The following IL1RAPL1 variants were observed in gnomAD, a reference collection of about 807,000 sequenced individuals.
IL1RAPL1 encodes interleukin-1 receptor accessory protein-like 1.
A neutral mutation model predicts 48.4 loss-of-function variants in IL1RAPL1; 3 were observed. The observed-to-expected ratio is 0.06, with a 90% confidence interval of 0.03 to 0.16. IL1RAPL1 has a LOEUF of 0.16. Among genes scored for constraint, IL1RAPL1 ranks in the 10% least tolerant of loss-of-function variants. The pLI is 1.00. For missense variants in IL1RAPL1, 349 were observed against 530.6 expected, an observed-to-expected ratio of 0.66 and a Z score of 3.36; for synonymous variants, 185 against 187.7, an observed-to-expected ratio of 0.99 and a Z score of 0.12.
intron 5 of IL1RAPL1, among the ~76,000 whole-genome samples, chrX:29,591,517 G>A (rs1312128201): frequency 8.9e-6 from 1 of 112,104 alleles, no homozygotes; most frequent in Non-Finnish European, 1.9e-5. Flanking sequence ...AGCAGAGGGG[G>A]CACCATAGTG....
At chrX:29,409,908 C>T (rs1412017371) in intron 5 of IL1RAPL1, among the ~76,000 whole-genome samples, 3 of 106,443 alleles carry the variant, frequency 2.8e-5, no homozygotes, top group African/African-American at 6.9e-5. Flanking sequence ...CCACAACCTC[C>T]GCCTCCCAGG....
intron 6 of IL1RAPL1, among the ~76,000 whole-genome samples, chrX:29,846,161 A>G (rs1931241840): frequency 9.0e-6 from 1 of 111,556 alleles, no homozygotes; most frequent in Admixed American, 9.5e-5. Context: ...ACACTGTTTC[A>G]TGTGTTATTA....
chrX:28,779,630 G>GTATATA (rs55850528), intron 1 of IL1RAPL1, among the ~76,000 whole-genome samples: 2,062 of 60,205 alleles, frequency 0.034, 50 homozygotes, highest in Middle Eastern at 0.043. Context: ...GTGTGTGTGT[G>GTATATA]TGTGTATATA....
chrX:29,921,515 T>C (rs920572341), intron 8 of IL1RAPL1, among the ~76,000 whole-genome samples: 2 of 112,285 alleles, frequency 1.8e-5, no homozygotes, highest in South Asian at 3.7e-4. Flanking sequence ...ATGCAGCAGC[T>C]AACAATATGA....
chrX:29,662,035 G>C (rs910607577), intron 5 of IL1RAPL1, among the ~76,000 whole-genome samples: 1 of 110,807 alleles, frequency 9.0e-6, no homozygotes, highest in Non-Finnish European at 1.9e-5. Flanking sequence ...ATGCTACTTG[G>C]GGCTCTCTTA....
chrX:28,870,569 C>T (rs1922182776), intron 2 of IL1RAPL1, among the ~76,000 whole-genome samples: 1 of 111,539 alleles, frequency 9.0e-6, no homozygotes, highest in Admixed American at 9.5e-5. Context: ...TATTCTTACC[C>T]CTATGGTAAC....
At chrX:28,904,843 TC>T (rs1411551821) in intron 2 of IL1RAPL1, among the ~76,000 whole-genome samples, 1 of 112,138 alleles carries the variant, frequency 8.9e-6, no homozygotes. Context: ...TCAAAAGTTT[TC>T]CATAATATTT....
intron 9 of IL1RAPL1, among the ~76,000 whole-genome samples, chrX:29,942,852 C>T (rs1301064313): frequency 9.0e-6 from 1 of 110,751 alleles, no homozygotes; most frequent in Non-Finnish European, 1.9e-5. Context: ...AACCCCTGAC[C>T]TCAGGTGATC....
intron 2 of IL1RAPL1, among the ~76,000 whole-genome samples, chrX:28,966,342 C>T (rs1365598379): frequency 8.9e-6 from 1 of 111,804 alleles, no homozygotes; most frequent in African/African-American, 3.2e-5. Flanking sequence ...ATCAAGAATT[C>T]GAAAGATGAG....
intron 1 of IL1RAPL1, among the ~76,000 whole-genome samples, chrX:28,765,835 TATTA>T (rs893556075): frequency 1.8e-5 from 2 of 112,148 alleles, no homozygotes; most frequent in African/African-American, 6.5e-5. Flanking sequence ...TGGACGTGTT[TATTA>T]ATTTCTCCTT....
At position 29,136,315 on chromosome X, in the gene IL1RAPL1, C is replaced by T. The variant is rs769777335; in HGVS notation, c.83-146623C>T. Among the ~76,000 whole-genome samples the T allele has an allele frequency of 6.3e-3, 681 of 108,098 alleles. 5 individuals carry two copies. The highest frequency in any genetic ancestry group is 0.021 in the African/African-American group (632 of 29,712). 93.9% of individuals were successfully genotyped at this position (108,098 alleles called of 115,157 possible). A position where few individuals can be genotyped will look rare whatever the true frequency, so the allele number is the denominator to read the frequency against. ...GCTAATTTTGTATTTTTAGTAGAGA[C>T]GGGGTTTCTTCATGTTGGTCAGGCT... On this transcript the variant is annotated intron_variant, in intron 2 of 10. Transcript: ENST00000378993.
At chrX:29,656,173 A>G (rs746619343) in intron 5 of IL1RAPL1, among the ~76,000 whole-genome samples, 2 of 113,197 alleles carry the variant, frequency 1.8e-5, no homozygotes, top group East Asian at 2.8e-4. Flanking sequence ...TTTTGTAAAT[A>G]TATGTTCAGT....
intron 6 of IL1RAPL1, among the ~76,000 whole-genome samples, chrX:29,839,374 A>T (rs1055455956): frequency 2.7e-5 from 3 of 112,069 alleles, no homozygotes; most frequent in East Asian, 2.8e-4. Context: ...TTTATTGGTT[A>T]TACAAAGCAA....
At chrX:28,901,134 T>G (rs1923065176) in intron 2 of IL1RAPL1, among the ~76,000 whole-genome samples, 1 of 111,759 alleles carries the variant, frequency 8.9e-6, no homozygotes, top group African/African-American at 3.3e-5. Flanking sequence ...TCTTCATGGT[T>G]GCATGCAAAT....
intron 2 of IL1RAPL1, among the ~76,000 whole-genome samples, chrX:29,062,326 T>A (rs894750491): frequency 8.9e-6 from 1 of 112,484 alleles, no homozygotes; most frequent in African/African-American, 3.2e-5. Flanking sequence ...TTGAAAAGTG[T>A]CATAATGAAA....
intron 8 of IL1RAPL1, among the ~76,000 whole-genome samples, chrX:29,925,448 T>TTTTTTTTTG (rs1932881679): frequency 2.2e-5 from 1 of 44,683 alleles, no homozygotes; most frequent in Non-Finnish European, 3.6e-5. Flanking sequence ...TTTTTTTTGC[T>TTTTTTTTTG]GGGGGGGGCT....
chrX:28,736,540 A>G (rs778536939), intron 1 of IL1RAPL1, among the ~76,000 whole-genome samples: 1 of 111,781 alleles, frequency 8.9e-6, no homozygotes, highest in Non-Finnish European at 1.9e-5. Context: ...ATTTTCTACA[A>G]TTGCATAAAT....
At chrX:28,805,467 A>G (rs1165732601) in intron 2 of IL1RAPL1, among the ~76,000 whole-genome samples, 1 of 111,421 alleles carries the variant, frequency 9.0e-6, no homozygotes, top group Non-Finnish European at 1.9e-5. Flanking sequence ...GTTCTTTCAA[A>G]TGTCTTCTAC....
chrX:29,559,002 G>A (rs193217371), intron 5 of IL1RAPL1, among the ~76,000 whole-genome samples: 1 of 111,844 alleles, frequency 8.9e-6, no homozygotes, highest in East Asian at 2.8e-4. Flanking sequence ...GGTTATTATG[G>A]CTATTCAAAG....
Sources: gnomAD v4.1 joint callset for allele counts (sites outside exome capture counted in the v4.1 genomes callset) on GRCh38, gnomAD v4.1.1 for gene constraint, MANE v1.5 for transcripts, NCBI Gene and HGNC (gene_info 2026-07-23, HGNC 2026-07-21) for gene names.